Variants in CCSER1 observed in about 807,000 individuals in gnomAD.
CCSER1 encodes serine-rich coiled-coil domain-containing protein 1.
CCSER1 carries 41 observed loss-of-function variants against 82.0 expected under a neutral mutation model. The ratio of observed to expected loss-of-function variants is 0.50; its 90% CI spans 0.39 to 0.65. CCSER1 has a LOEUF of 0.65. Among genes scored for constraint, CCSER1 ranks in the 30% least tolerant of loss-of-function variants. CCSER1 has a pLI of 0.00. For synonymous variants in CCSER1, 414 were observed against 383.9 expected, an observed-to-expected ratio of 1.08 and a Z score of -0.92; for missense variants, 1,119 against 1,064.2, an observed-to-expected ratio of 1.05 and a Z score of -0.72.
chr4:90,557,768 G>T (rs2153645429), intron 5 of CCSER1, among the ~76,000 whole-genome samples: 1 of 152,148 alleles, frequency 6.6e-6, no homozygotes, highest in South Asian at 2.1e-4. Flanking sequence ...CTACGAATGT[G>T]GCAAGATTGT....
intron 8 of CCSER1, among the ~76,000 whole-genome samples, chr4:90,881,111 T>TA (rs1721248333): frequency 6.6e-6 from 1 of 152,072 alleles, no homozygotes; most frequent in African/African-American, 2.4e-5. Context: ...TATGAGTTTT[T>TA]AAAAATTTTT....
intron 10 of CCSER1, among the ~76,000 whole-genome samples, chr4:91,443,960 T>C (rs967191835): frequency 2.0e-4 from 31 of 152,098 alleles, no homozygotes; most frequent in African/African-American, 5.8e-4. Context: ...GAGAGCTACT[T>C]ACTGAAATTA....
intron 1 of CCSER1, among the ~76,000 whole-genome samples, chr4:90,161,957 AG>A (rs1302633897): frequency 6.6e-6 from 1 of 152,108 alleles, no homozygotes; most frequent in Non-Finnish European, 1.5e-5. Flanking sequence ...TTTTCAAGCA[AG>A]TAGACAAATG....
At chr4:90,939,154 A>G (rs988661352) in intron 9 of CCSER1, among the ~76,000 whole-genome samples, 15 of 152,144 alleles carry the variant, frequency 9.9e-5, no homozygotes, top group Non-Finnish European at 1.8e-4. Flanking sequence ...AGTGTCTTCC[A>G]TCTTAGTAGG....
intron 10 of CCSER1, among the ~76,000 whole-genome samples, chr4:91,244,376 G>C (rs1739601758): frequency 1.3e-5 from 2 of 152,234 alleles, no homozygotes; most frequent in African/African-American, 4.8e-5. Flanking sequence ...GCAGCACCCA[G>C]TGCTGTGTTG....
At chr4:91,276,293 CTTT>C (rs545936410) in intron 10 of CCSER1, among the ~76,000 whole-genome samples, 2 of 116,268 alleles carry the variant, frequency 1.7e-5, no homozygotes, top group African/African-American at 3.2e-5. Context: ...GATGTCTTTC[CTTT>C]TTTTTTTTTT....
intron 10 of CCSER1, among the ~76,000 whole-genome samples, chr4:91,104,728 A>T (rs1344885033): frequency 6.6e-6 from 1 of 152,196 alleles, no homozygotes; most frequent in Non-Finnish European, 1.5e-5. Flanking sequence ...CAAAATCAGC[A>T]GGTTTAGTTT....
At chr4:90,732,848 C>A (rs1744995779) in intron 7 of CCSER1, among the ~76,000 whole-genome samples, 1 of 152,182 alleles carries the variant, frequency 6.6e-6, no homozygotes, top group Non-Finnish European at 1.5e-5. Context: ...CCTGTTGTTA[C>A]AAATGATAGC....
intron 10 of CCSER1, among the ~76,000 whole-genome samples, chr4:91,111,004 G>C (rs1726050716): frequency 1.3e-5 from 2 of 151,894 alleles, no homozygotes; most frequent in South Asian, 4.2e-4. Context: ...AGGTGTATTT[G>C]AGTTATTAAA....
chr4:90,768,401 CTG>C (rs1334692793), intron 7 of CCSER1, among the ~76,000 whole-genome samples: 1 of 152,194 alleles, frequency 6.6e-6, no homozygotes, highest in Non-Finnish European at 1.5e-5. Flanking sequence ...CCCACAGAAA[CTG>C]TGAAATAATT....
chr4:91,035,710 T>C (rs1407991183), intron 9 of CCSER1, among the ~76,000 whole-genome samples: 2 of 152,194 alleles, frequency 1.3e-5, no homozygotes, highest in Admixed American at 6.5e-5. Flanking sequence ...TTGGGTTTTC[T>C]AAACAGCCAA....
chr4:91,572,833 C>G (rs745998766), intron 10 of CCSER1, among the ~76,000 whole-genome samples: 34 of 151,798 alleles, frequency 2.2e-4, no homozygotes, highest in Non-Finnish European at 2.7e-4. Flanking sequence ...AAAGAAGAAG[C>G]CTGTCCATTT....
chr4:90,761,714 G>A (rs1254007026), intron 7 of CCSER1, among the ~76,000 whole-genome samples: 1 of 152,064 alleles, frequency 6.6e-6, no homozygotes, highest in Non-Finnish European at 1.5e-5. Context: ...CTGACACAAA[G>A]CTTCCCTAAA....
intron 4 of CCSER1, among the ~76,000 whole-genome samples, chr4:90,425,266 A>G (rs1757366518): frequency 6.6e-6 from 1 of 152,156 alleles, no homozygotes; most frequent in South Asian, 2.1e-4. Flanking sequence ...GGGAGGAATC[A>G]CCTGGTGCAG....
Position 91,292,317 on chromosome 4 carries a change from G to A in CCSER1, c.2217+206323G>A, listed in dbSNP as rs184228985. ...CATGAATATTGCTGTTATTTCTCTT[G>A]TTTGAATAAGCTTTGTATCATTTTA... On this transcript the variant is annotated intron_variant, in intron 10 of 10. Transcript: ENST00000509176. 1.5e-3 allele frequency among the ~76,000 whole-genome samples: 232 copies of A among 152,042 alleles called. 1 individual carries two copies. Among genetic ancestry groups the A allele is most frequent in the African/African-American group, 5.2e-3 (214 of 41,504 alleles).
At chr4:90,645,279 C>G (rs2149007007) in intron 6 of CCSER1, among the ~76,000 whole-genome samples, 1 of 152,044 alleles carries the variant, frequency 6.6e-6, no homozygotes, top group African/African-American at 2.4e-5. Flanking sequence ...AAAATCTTTC[C>G]AAAATTTTGT....
At chr4:90,378,130 T>G (rs1004247007) in intron 3 of CCSER1, among the ~76,000 whole-genome samples, 5 of 152,176 alleles carry the variant, frequency 3.3e-5, no homozygotes, top group Admixed American at 6.6e-5. Flanking sequence ...GTTTAGAATT[T>G]AATAATTTCA....
chr4:91,310,364 G>A (rs940759873), intron 10 of CCSER1, among the ~76,000 whole-genome samples: 13 of 134,516 alleles, frequency 9.7e-5, no homozygotes, highest in African/African-American at 3.4e-4. Flanking sequence ...TAAAATACAC[G>A]AACACTAACA....
At chr4:90,876,271 T>C (rs1455552549) in intron 8 of CCSER1, among the ~76,000 whole-genome samples, 1 of 152,102 alleles carries the variant, frequency 6.6e-6, no homozygotes, top group Non-Finnish European at 1.5e-5. Flanking sequence ...TTCATTATAA[T>C]GAAAACCCAA....
Sources: gnomAD v4.1 joint callset for allele counts (sites outside exome capture counted in the v4.1 genomes callset) on GRCh38, gnomAD v4.1.1 for gene constraint, MANE v1.5 for transcripts, NCBI Gene and HGNC (gene_info 2026-07-23, HGNC 2026-07-21) for gene names.